Variants in ME2 observed in about 807,000 individuals in gnomAD.
ME2 encodes NAD-dependent malic enzyme, mitochondrial.
ME2 carries 60 observed loss-of-function variants against 73.7 expected under a neutral mutation model. The observed-to-expected ratio is 0.81, with a 90% CI of 0.66 to 1.01. The LOEUF (loss-of-function observed/expected upper bound fraction) is 1.01. ME2 is among the 50% of genes least tolerant of loss of function. ME2 has a pLI of 0.00. For synonymous variants in ME2, 199 were observed against 236.9 expected, an observed-to-expected ratio of 0.84 and a Z score of 1.47; for missense variants, 594 against 705.5, an observed-to-expected ratio of 0.84 and a Z score of 1.79.
intron 4 of ME2, 66 bp downstream of exon 4, chr18:50,913,016 C>T: frequency 7.5e-7 from 1 of 1,328,146 alleles, no homozygotes; most frequent in Non-Finnish European, 1.0e-6. Flanking sequence ...TTCCATAACA[C>T]CCATTACATT....
At chr18:50,912,166 CAT>C (rs1429835566) in intron 3 of ME2, among the ~76,000 whole-genome samples, 1 of 152,146 alleles carries the variant, frequency 6.6e-6, no homozygotes, top group Non-Finnish European at 1.5e-5. Flanking sequence ...CTGCTTTAGA[CAT>C]ATTTAATTCA....
At chr18:50,941,985 C>T (rs1789226) in intron 15 of ME2, among the ~76,000 whole-genome samples, 104,569 of 151,668 alleles carry the variant, frequency 0.69, 36,575 homozygotes, top group African/African-American at 0.81. Context: ...TATTTTCCCA[C>T]TTGTCATTTG....
At chr18:50,900,483 A>G (rs1024204094) in intron 2 of ME2, among the ~76,000 whole-genome samples, 5 of 151,480 alleles carry the variant, frequency 3.3e-5, no homozygotes, top group Admixed American at 6.6e-5. Context: ...TTTAGTAGAG[A>G]TGGTGTTTCA....
At chr18:50,946,022 G>A (rs749237584) in intron 15 of ME2, among the ~76,000 whole-genome samples, 5 of 152,206 alleles carry the variant, frequency 3.3e-5, no homozygotes, top group East Asian at 3.9e-4. Context: ...AGCTGAGATC[G>A]TGCCACTGCA....
intron 1 of ME2, among the ~76,000 whole-genome samples, chr18:50,880,146 A>G (rs893512537): frequency 5.3e-5 from 8 of 152,238 alleles, no homozygotes; most frequent in African/African-American, 1.4e-4. Flanking sequence ...CAATAGTAGC[A>G]TGTATTAATT....
rs745423993 is a variant in ME2, at chr18:50,939,595, T to C, written c.1443T>C (p.Cys481=). The change falls in exon 14 of 16, where the codon TGT becomes TGC. Residue 481 remains cysteine (C), a synonymous_variant. Coordinates refer to ENST00000321341, the MANE Select transcript of ME2 (RefSeq NM_002396.5). The stretch of plus-strand genomic sequence containing the variant: ...GTGTGGCTTTAGCTGTTATTCTCTG[T>C]AACACCCGGCATATTAGTGACAGTG... The part of the protein sequence containing the change: ...FPGVALAVIL[C]NTRHISDSVF... The C allele has an allele frequency of 1.6e-5, 26 of 1,612,470 alleles. No homozygotes were observed. Among genetic ancestry groups the C allele is most frequent in the Non-Finnish European group, 2.0e-5 (24 of 1,178,740 alleles).
intron 13 of ME2, among the ~76,000 whole-genome samples, chr18:50,937,855 G>C (rs1042763996): frequency 5.3e-5 from 8 of 152,112 alleles, no homozygotes; most frequent in Non-Finnish European, 1.2e-4. Flanking sequence ...ATAAATGTCA[G>C]GGAACAAGAA....
At chr18:50,929,730 T>C (rs915557470) in intron 12 of ME2, among the ~76,000 whole-genome samples, 1 of 152,144 alleles carries the variant, frequency 6.6e-6, no homozygotes, top group African/African-American at 2.4e-5. Flanking sequence ...TTTAGCTTGA[T>C]TGCCTGTCCT....
At chr18:50,895,760 G>A (rs1568160493) in intron 1 of ME2, 49 bp from the exon 2 acceptor site, 18 of 1,118,802 alleles carry the variant, frequency 1.6e-5, no homozygotes, top group Non-Finnish European at 2.0e-5. Flanking sequence ...GGACATGAAG[G>A]CCTATAATAT....
At chr18:50,921,683 TCTC>T (rs1375408293) in intron 10 of ME2, among the ~76,000 whole-genome samples, 3 of 152,074 alleles carry the variant, frequency 2.0e-5, no homozygotes, top group Non-Finnish European at 4.4e-5. Flanking sequence ...TTCAAGCAAT[TCTC>T]CTGCCTGAGC....
At position 50,938,023 on chromosome 18, in the gene ME2, G is replaced by A. The variant is rs544642866; in HGVS notation, c.1418-1547G>A. Among the ~76,000 whole-genome samples, 8 of 152,250 alleles carry A rather than the reference G, an allele frequency of 5.3e-5. No homozygotes were observed. The South Asian group carries it at 6.2e-4, about 12-fold the overall frequency. On this transcript the variant is annotated intron_variant, in intron 13 of 15. Transcript: ENST00000321341. Reference sequence around the variant, plus strand: ...GCACAGTGTTATGAAATTGTAGACCGTTAGGTATAAAAATAAGGATCTGGC... The same window carrying A: ...GCACAGTGTTATGAAATTGTAGACCATTAGGTATAAAAATAAGGATCTGGC...
intron 12 of ME2, among the ~76,000 whole-genome samples, chr18:50,930,753 C>T (rs1917672341): frequency 6.6e-6 from 1 of 152,002 alleles, no homozygotes; most frequent in South Asian, 2.1e-4. Flanking sequence ...TTAATGGTGC[C>T]AGAAAAATAA....
chr18:50,918,171 A>G lies in ME2; in HGVS notation c.692A>G (p.Tyr231Cys), dbSNP rs199794906. Reference sequence around the variant, plus strand: ...CAGAAACGAGATCGCACACAACAGTATGATGACCTGATTGATGAGTTTATG... The same window carrying G: ...CAGAAACGAGATCGCACACAACAGTGTGATGACCTGATTGATGAGTTTATG... ...LYQKRDRTQQ[Y>C]DDLIDEFMKA... is the part of the protein sequence containing the mutation. The change falls in exon 7 of 16, where the codon TAT becomes TGT. Residue 231 changes from tyrosine (Y) to cysteine (C), a missense_variant. By Grantham distance (194) the Tyr-to-Cys change is radical. Transcript: ENST00000321341. 7.4e-6 allele frequency: 12 copies of G among 1,611,042 alleles called. No homozygotes were observed. Among genetic ancestry groups the G allele is most frequent in the Admixed American group, 1.7e-5 (1 of 59,936 alleles).
chr18:50,917,119 C>G, intron 5 of ME2: 1 of 370,542 alleles, frequency 2.7e-6, no homozygotes, highest in South Asian at 5.0e-5. Context: ...AATTCTATTC[C>G]TAAACCGAAG....
intron 5 of ME2, 193 bp downstream of exon 5, chr18:50,916,436 T>C (rs1917286355): frequency 2.3e-6 from 1 of 439,680 alleles, no homozygotes; most frequent in Non-Finnish European, 4.0e-6. Context: ...AAAGTTTGAC[T>C]CTGAGAAAGA....
intron 4 of ME2, among the ~76,000 whole-genome samples, chr18:50,914,643 C>T (rs1262703866): frequency 6.6e-6 from 1 of 151,878 alleles, no homozygotes; most frequent in Non-Finnish European, 1.5e-5. Context: ...GAGGTGGGAC[C>T]CTGGCATTTT....
At chr18:50,942,580 C>A (rs1478970534) in intron 15 of ME2, 4 of 230,646 alleles carry the variant, frequency 1.7e-5, no homozygotes, top group East Asian at 8.2e-5. Context: ...TTATTAAGAT[C>A]TTTTTTAAAA....
intron 15 of ME2, among the ~76,000 whole-genome samples, chr18:50,940,639 T>C (rs1031943766): frequency 6.6e-6 from 1 of 152,126 alleles, no homozygotes; most frequent in African/African-American, 2.4e-5. Flanking sequence ...AAAATTGTTT[T>C]AAAGAATAGA....
chr18:50,885,749 G>C (rs868130726), intron 1 of ME2, among the ~76,000 whole-genome samples: 2 of 152,054 alleles, frequency 1.3e-5, no homozygotes, highest in East Asian at 3.9e-4. Context: ...TTTTAAAAGT[G>C]TAGAAACATG....
Sources: allele counts gnomAD v4.1 joint callset (sites outside exome capture counted in the v4.1 genomes callset), GRCh38; gene constraint gnomAD v4.1.1; transcripts MANE v1.5; gene names NCBI Gene and HGNC (gene_info 2026-07-23, HGNC 2026-07-21).